The following CACNA1S variants were observed in gnomAD, a reference collection of about 807,000 sequenced individuals.
CACNA1S encodes voltage-dependent L-type calcium channel subunit alpha-1S.
Under a neutral mutation model 207.4 loss-of-function variants are expected in CACNA1S, and 126 were observed. That is an observed-to-expected ratio of 0.61 (90% CI 0.53 to 0.70). The LOEUF (loss-of-function observed/expected upper bound fraction) is 0.70. CACNA1S is among the 30% of genes least tolerant of loss of function. The pLI is 0.00. For synonymous variants in CACNA1S, 960 were observed against 932.7 expected (o/e 1.03, Z -0.53); for missense variants, 2,349 against 2,422.8 (o/e 0.97, Z 0.64).
chr1:201,060,521 C>A, intron 26 of CACNA1S, 137 bp downstream of exon 26: 1 of 898,108 alleles, frequency 1.1e-6, no homozygotes, highest in Non-Finnish European at 1.8e-6. Flanking sequence ...CTTCTGTATT[C>A]CATGTAGCAC....
intron 28 of CACNA1S, among the ~76,000 whole-genome samples, chr1:201,057,978 A>G (rs1010585602): frequency 2.0e-5 from 3 of 152,004 alleles, no homozygotes; most frequent in Admixed American, 2.0e-4. Context: ...CTTCCAATAA[A>G]CTGGACCACT....
At chr1:201,087,708 T>C in intron 7 of CACNA1S, 118 bp downstream of exon 7, 1 of 722,578 alleles carries the variant, frequency 1.4e-6, no homozygotes, top group Non-Finnish European at 2.5e-6. Context: ...TCTCTCCTCC[T>C]CCTCTCCACT....
intron 9 of CACNA1S, among the ~76,000 whole-genome samples, 182 bp downstream of exon 9, chr1:201,084,768 G>A (rs781429752): frequency 3.9e-5 from 6 of 152,138 alleles, no homozygotes; most frequent in East Asian, 1.9e-4. Flanking sequence ...CACATTCCCC[G>A]AGGATCTGGT....
intron 12 of CACNA1S, among the ~76,000 whole-genome samples, chr1:201,076,287 T>C (rs1183853524): frequency 6.6e-6 from 1 of 152,200 alleles, no homozygotes; most frequent in Non-Finnish European, 1.5e-5. Flanking sequence ...CCAGTGGGGC[T>C]AATGGAAGAA....
intron 29 of CACNA1S, among the ~76,000 whole-genome samples, chr1:201,054,236 A>G (rs533144736): frequency 7.9e-4 from 120 of 152,272 alleles, no homozygotes; most frequent in Non-Finnish European, 1.5e-3. Context: ...TTCTCTCTGG[A>G]CTGTGTTTCC....
intron 26 of CACNA1S, among the ~76,000 whole-genome samples, chr1:201,060,378 T>C (rs1319950730): frequency 6.6e-6 from 1 of 152,204 alleles, no homozygotes; most frequent in East Asian, 1.9e-4. Flanking sequence ...AGAAAGCACT[T>C]TCTACTTCCC....
chr1:201,042,317 T>C (rs1207408934), intron 40 of CACNA1S, among the ~76,000 whole-genome samples: 2 of 152,122 alleles, frequency 1.3e-5, no homozygotes, highest in African/African-American at 2.4e-5. Flanking sequence ...TGTGTGTTTT[T>C]AGTAGAGACA....
At position 201,094,897 on chromosome 1, in the gene CACNA1S, C is replaced by A. The variant is rs545759210; in HGVS notation, c.259-876G>T. On this transcript the variant is annotated intron_variant, in intron 2 of 43. Coordinates refer to ENST00000362061, the MANE Select transcript of CACNA1S (RefSeq NM_000069.3). ...CCCTATCCTTGGCCCCATCACCTTT[C>A]CCCCTCTTCTGGGCCCAGGTGAGAG... 2.3e-3 allele frequency among the ~76,000 whole-genome samples: 347 copies of A among 152,132 alleles called. 2 individuals carry two copies. The highest frequency in any genetic ancestry group is 8.0e-3 in the African/African-American group (333 of 41,510).
intron 34 of CACNA1S, 37 bp from the exon 35 acceptor site, chr1:201,049,136 C>T (rs762525323): frequency 9.0e-6 from 13 of 1,442,628 alleles, no homozygotes; most frequent in African/African-American, 7.0e-5. Flanking sequence ...ACCTGCTACC[C>T]TCCTCCGCTG....
chr1:201,043,357 G>T lies in CACNA1S; in HGVS notation c.4972C>A (p.Arg1658Ser), dbSNP rs147392278. 1.2e-6 allele frequency: 2 copies of T among 1,614,190 alleles called. No homozygotes were observed. Among genetic ancestry groups the T allele is most frequent in the Admixed American group, 3.3e-5 (2 of 60,028 alleles). Residue 1658 changes from arginine to serine, a missense_variant, in exon 40 of 44, where the codon CGT (arginine) becomes AGT (serine). Arg to Ser is a moderately radical substitution (Grantham distance 110). Coordinates refer to ENST00000362061, the MANE Select transcript of CACNA1S (RefSeq NM_000069.3). ...GCGTTGGCATTGTTGGTATTGGCAC[G>T]AGCCAGGGGGTTGGTGCGTGGATCT... is the stretch of plus-strand genomic sequence containing the variant. ...PQDPRTNPLA[R>S]ANTNNANANV...
At chr1:201,048,138 C>T (rs954162148) in intron 36 of CACNA1S, among the ~76,000 whole-genome samples, 1 of 152,188 alleles carries the variant, frequency 6.6e-6, no homozygotes, top group Non-Finnish European at 1.5e-5. Flanking sequence ...GGCTCAGAGA[C>T]AATACTGAGA....
At chr1:201,040,796 C>T (rs1572013265) in intron 41 of CACNA1S, 83 bp from the exon 42 acceptor site, 6 of 1,036,696 alleles carry the variant, frequency 5.8e-6, no homozygotes. Flanking sequence ...GCTTGGCTGG[C>T]TAGCCACACT....
intron 2 of CACNA1S, among the ~76,000 whole-genome samples, chr1:201,108,788 C>T (rs972386067): frequency 1.3e-5 from 2 of 152,100 alleles, no homozygotes; most frequent in Non-Finnish European, 2.9e-5. Flanking sequence ...TGCAAATATG[C>T]CTCCTCCCTC....
chr1:201,112,263 C>T lies in CACNA1S; in HGVS notation c.77G>A (p.Arg26Lys). 6.2e-7 allele frequency: 1 copy of T among 1,614,030 alleles called. No homozygotes were observed. The highest frequency in any genetic ancestry group is 8.5e-7 in the Non-Finnish European group (1 of 1,180,010). The change falls in exon 1 of 44, where the codon AGG (arginine) becomes AAG (lysine). Residue 26 changes from arginine to lysine, a missense_variant. Transcript: ENST00000362061. Reference sequence around the variant, plus strand: ...CAGGCAGAACAAGGCCCGGGGTGGCCTTGGCAGAATCTCAGGAACTGGCTT... The same window carrying T: ...CAGGCAGAACAAGGCCCGGGGTGGCTTTGGCAGAATCTCAGGAACTGGCTT... Reference protein sequence around the residue: ...PKKPVPEILPRPPRALFCLTL... With the variant: ...PKKPVPEILPKPPRALFCLTL...
At chr1:201,077,179 C>A in intron 11 of CACNA1S, 52 bp from the exon 12 acceptor site, 1 of 1,494,234 alleles carries the variant, frequency 6.7e-7, no homozygotes, top group Non-Finnish European at 9.3e-7. Context: ...CTCACTGGGG[C>A]CCACGAGGTG....
chr1:201,076,666 C>T (rs1481075453), intron 12 of CACNA1S, among the ~76,000 whole-genome samples: 1 of 152,196 alleles, frequency 6.6e-6, no homozygotes, highest in African/African-American at 2.4e-5. Flanking sequence ...CTGCAGTAGG[C>T]CAGCACTGTG....
intron 38 of CACNA1S, among the ~76,000 whole-genome samples, chr1:201,045,278 C>A (rs1411279210): frequency 6.6e-6 from 1 of 152,122 alleles, no homozygotes; most frequent in Admixed American, 6.5e-5. Flanking sequence ...CTTCAAGTGT[C>A]AAGATCGTGT....
chr1:201,062,095 G>A lies in CACNA1S; in HGVS notation c.2907-5C>T, dbSNP rs938262847. The A allele has an allele frequency of 6.2e-7, 1 of 1,613,306 alleles. No individual in the cohort carries two copies. On this transcript the variant is annotated splice_region_variant and splice_polypyrimidine_tract_variant and intron_variant, in intron 23 of 43. Transcript: ENST00000362061. ...TTGTACACGTAGTAGTAGCCCCTGT[G>A]GCAGGGAGGCCCAGTCACTCCACAG...
chr1:201,104,643 C>G (rs1288188056), intron 2 of CACNA1S, among the ~76,000 whole-genome samples: 1 of 152,286 alleles, frequency 6.6e-6, no homozygotes, highest in East Asian at 1.9e-4. Context: ...GATATGTGTT[C>G]CTTGGATATT....
Sources: allele counts gnomAD v4.1 joint callset (sites outside exome capture counted in the v4.1 genomes callset), GRCh38; gene constraint gnomAD v4.1.1; transcripts MANE v1.5; gene names NCBI Gene and HGNC (gene_info 2026-07-23, HGNC 2026-07-21).